Variants in SEL1L observed in about 807,000 individuals in gnomAD.
SEL1L encodes the protein SEL1L adaptor subunit of SYVN1 ubiquitin ligase, also known as protein sel-1 homolog 1.
In SEL1L, 52 loss-of-function variants were observed where a neutral mutation model predicts 109.8. The observed-to-expected ratio is 0.47, with a 90% CI of 0.38 to 0.60. SEL1L has a LOEUF of 0.60. SEL1L is among the 20% of genes least tolerant of loss of function. The pLI is 0.00. For synonymous variants in SEL1L, 373 were observed against 339.6 expected (o/e 1.10, Z -1.08); for missense variants, 749 against 962.2 (o/e 0.78, Z 2.93).
intron 19 of SEL1L, among the ~76,000 whole-genome samples, chr14:81,480,991 GC>G (rs1470613742): frequency 6.6e-6 from 1 of 151,932 alleles, no homozygotes; most frequent in Non-Finnish European, 1.5e-5. Context: ...CAAGTGCATT[GC>G]CCTGGGGTGT....
chr14:81,486,470 A>G lies in SEL1L; in HGVS notation c.1633-16T>C, dbSNP rs774020174. On this transcript the variant is annotated splice_polypyrimidine_tract_variant and intron_variant, in intron 16 of 20. Coordinates refer to ENST00000336735, the MANE Select transcript of SEL1L (RefSeq NM_005065.6). The stretch of plus-strand genomic sequence containing the variant: ...TCTTAAACAACTGTGTGAGGTGGGG[A>G]AAAAAAATATCAGTAGAAGAAAATA... 8 of 1,591,312 alleles carry G rather than the reference A, an allele frequency of 5.0e-6. No individual in the cohort carries two copies. Among genetic ancestry groups the G allele is most frequent in the South Asian group, 3.4e-5 (3 of 88,302 alleles).
intron 15 of SEL1L, 49 bp downstream of exon 15, chr14:81,487,806 G>A: frequency 6.2e-7 from 1 of 1,606,416 alleles, no homozygotes. Context: ...GTAGAAAACA[G>A]CTTAATTTAG....
rs924350435 is a variant in SEL1L at position 81,473,799 on chromosome 14, T to C, written c.*3173A>G. 3 of 152,038 alleles carry C rather than the reference T, an allele frequency of 2.0e-5. No individual in the cohort carries two copies. The East Asian group carries it at 5.8e-4, about 29-fold the overall frequency. The allele number at this position is 152,038 out of a possible 1,614,324, so 9.4% of individuals were successfully genotyped here. Reference sequence around the variant, plus strand: ...GAATTGTGTTTTTCATTTATAGGCCTGCATGCATACTTCCAAAACACTGGT... The same window carrying C: ...GAATTGTGTTTTTCATTTATAGGCCCGCATGCATACTTCCAAAACACTGGT... On this transcript the variant is annotated 3_prime_UTR_variant, in exon 21 of 21. Coordinates refer to ENST00000336735, the MANE Select transcript of SEL1L (RefSeq NM_005065.6).
chr14:81,489,096 G>A (rs990815638), intron 14 of SEL1L, 156 bp downstream of exon 14: 2 of 696,662 alleles, frequency 2.9e-6, no homozygotes, highest in East Asian at 2.7e-5. Context: ...TCGGGTATGG[G>A]GTGGTAGTGA....
intron 5 of SEL1L, among the ~76,000 whole-genome samples, 197 bp from the exon 6 acceptor site, chr14:81,503,080 C>T (rs1213484599): frequency 6.6e-6 from 1 of 152,132 alleles, no homozygotes; most frequent in Non-Finnish European, 1.5e-5. Context: ...GCAACCTCCA[C>T]CTCCCAGGTT....
chr14:81,513,074 T>G (rs1261774419), intron 3 of SEL1L, among the ~76,000 whole-genome samples: 1 of 152,184 alleles, frequency 6.6e-6, no homozygotes, highest in Non-Finnish European at 1.5e-5. Context: ...TGTGTCTAGC[T>G]GAAAGTTTGT....
rs1480357163 is a variant in SEL1L at position 81,492,552 on chromosome 14, T to C, written c.1186-4A>G. ...AATTGAAGTAGTCAAATGCTCTCTA[T>C]GAGAAAAGAATTTATTAAAATAATT... On this transcript the variant is annotated splice_region_variant and splice_polypyrimidine_tract_variant and intron_variant, in intron 11 of 20. Transcript: ENST00000336735. 6.3e-7 allele frequency: 1 copy of C among 1,584,364 alleles called. No homozygotes were observed. Among genetic ancestry groups the C allele is most frequent in the Admixed American group, 1.8e-5 (1 of 56,984 alleles).
At chr14:81,479,768 CATTTCTTGTCAAA>C in intron 19 of SEL1L, 28 bp from the exon 20 acceptor site, 1 of 1,552,544 alleles carries the variant, frequency 6.4e-7, no homozygotes, top group Non-Finnish European at 8.7e-7. Flanking sequence ...AACAAAAATG[CATTTCTTGTCAAA>C]ATAAGTAAAA....
At chr14:81,513,501 G>A (rs1340798019) in intron 3 of SEL1L, among the ~76,000 whole-genome samples, 1 of 152,124 alleles carries the variant, frequency 6.6e-6, no homozygotes, top group Admixed American at 6.6e-5. Flanking sequence ...GCGAGAGTCC[G>A]TGGCTTCATT....
intron 19 of SEL1L, among the ~76,000 whole-genome samples, chr14:81,480,187 C>T (rs1302917661): frequency 6.6e-6 from 1 of 151,916 alleles, no homozygotes; most frequent in African/African-American, 2.4e-5. Context: ...CACGGTGGCT[C>T]ATTCTTTTTT....
rs41314527 is a variant in SEL1L at position 81,472,502 on chromosome 14, A to T, written c.*4470T>A. On this transcript the variant is annotated 3_prime_UTR_variant, in exon 21 of 21. Coordinates refer to ENST00000336735, the MANE Select transcript of SEL1L (RefSeq NM_005065.6). ...TTCACTCTTGATTTAATATTTTTTC[A>T]TTTCTCCTTTACTCAGAGCATATTT... is the stretch of plus-strand genomic sequence containing the variant. The T allele has an allele frequency of 4.6e-3, 1,537 of 336,414 alleles. 11 individuals carry two copies. Among genetic ancestry groups the T allele is most frequent in the South Asian group, 0.012 (522 of 42,436 alleles). 20.8% of individuals were successfully genotyped at this position (336,414 alleles called of 1,614,324 possible). A position where few individuals can be genotyped will look rare whatever the true frequency, so the allele number is the denominator to read the frequency against.
At chr14:81,501,610 T>C (rs1485506381) in intron 6 of SEL1L, among the ~76,000 whole-genome samples, 1 of 152,138 alleles carries the variant, frequency 6.6e-6, no homozygotes, top group Admixed American at 6.5e-5. Context: ...TTTATATAGT[T>C]TGAAAACAGA....
chr14:81,517,827 CAGTGAGAGGACTGGAAT>C, intron 3 of SEL1L, among the ~76,000 whole-genome samples: 1 of 152,186 alleles, frequency 6.6e-6, no homozygotes, highest in East Asian at 1.9e-4. Flanking sequence ...TTTTTGCTGC[CAGTGAGAGGACTGGAAT>C]TTGAACTCTT....
At chr14:81,525,858 A>G (rs1438003135) in intron 3 of SEL1L, among the ~76,000 whole-genome samples, 1 of 152,188 alleles carries the variant, frequency 6.6e-6, no homozygotes, top group Non-Finnish European at 1.5e-5. Context: ...ATTTTGACCC[A>G]ATTTACTTTT....
chr14:81,529,224 T>C lies in SEL1L; in HGVS notation c.71-1486A>G, dbSNP rs370016394. On this transcript the variant is annotated intron_variant, in intron 1 of 20. Transcript: ENST00000336735. ...TCACAAGTATTACCCAAAGCCCAAT[T>C]TCTAACATGTGGTTCAAATTCCATT... Among the ~76,000 whole-genome samples, 4 of 152,282 alleles carry C rather than the reference T, an allele frequency of 2.6e-5. No homozygotes were observed. In the South Asian group the frequency reaches 8.3e-4, roughly 32 times the overall value.
At chr14:81,487,342 G>T (rs759127832) in intron 16 of SEL1L, 48 bp downstream of exon 16, 18 of 1,509,794 alleles carry the variant, frequency 1.2e-5, no homozygotes, top group Non-Finnish European at 1.6e-5. Context: ...AGACTTTCCT[G>T]CTGGGCAAAT....
At chr14:81,521,129 T>C (rs578138130) in intron 3 of SEL1L, among the ~76,000 whole-genome samples, 2 of 152,358 alleles carry the variant, frequency 1.3e-5, no homozygotes, top group South Asian at 4.1e-4. Flanking sequence ...TTATCTTGCC[T>C]GTAATATTTA....
At chr14:81,511,956 A>C (rs1884494553) in intron 3 of SEL1L, among the ~76,000 whole-genome samples, 2 of 152,258 alleles carry the variant, frequency 1.3e-5, no homozygotes, top group African/African-American at 4.8e-5. Context: ...ATTTCTGTCA[A>C]GAGGTAATGA....
chr14:81,515,377 T>C (rs1247201828), intron 3 of SEL1L, among the ~76,000 whole-genome samples: 1 of 152,222 alleles, frequency 6.6e-6, no homozygotes, highest in Admixed American at 6.5e-5. Flanking sequence ...GATCAAACCC[T>C]GGCCTTTAAT....
Sources: allele counts gnomAD v4.1 joint callset (sites outside exome capture counted in the v4.1 genomes callset), GRCh38; gene constraint gnomAD v4.1.1; transcripts MANE v1.5; gene names NCBI Gene and HGNC (gene_info 2026-07-23, HGNC 2026-07-21).